The following SPINK5 variants were observed in gnomAD, a reference collection of about 807,000 sequenced individuals.
SPINK5 encodes serine protease inhibitor Kazal-type 5.
A neutral mutation model predicts 151.8 loss-of-function variants in SPINK5; 125 were observed. The observed-to-expected ratio is 0.82, with a 90% confidence interval of 0.71 to 0.96. The LOEUF (loss-of-function observed/expected upper bound fraction) is 0.96. Ranked by LOEUF, SPINK5 falls within the 40% of genes least tolerant of loss-of-function variation. The pLI is 0.00. For missense variants in SPINK5, 1,194 were observed against 1,291.9 expected, an observed-to-expected ratio of 0.92 and a Z score of 1.16; for synonymous variants, 374 against 395.3, an observed-to-expected ratio of 0.95 and a Z score of 0.64.
intron 32 of SPINK5, among the ~76,000 whole-genome samples, chr5:148,136,282 T>A (rs921279758): frequency 2.0e-5 from 3 of 152,164 alleles, no homozygotes; most frequent in Non-Finnish European, 4.4e-5. Flanking sequence ...TCTGTCAATT[T>A]CATGACAGAT....
At position 148,100,465 on chromosome 5, in the gene SPINK5, T is replaced by C; in HGVS notation, c.1104T>C (p.Ser368=). 2 of 1,611,950 alleles carry C rather than the reference T, an allele frequency of 1.2e-6. No homozygotes were observed. The highest frequency in any genetic ancestry group is 1.7e-6 in the Non-Finnish European group (2 of 1,178,330). The change falls in exon 13 of 33, where the codon AGT becomes AGC. Residue 368 remains serine, a synonymous_variant. Coordinates refer to ENST00000256084, the MANE Select transcript of SPINK5 (RefSeq NM_006846.4). ...GKATSYAELC[S]EYRKLVRNGK... is the part of the protein sequence containing the mutation. ...TTCTATCTCGGCAGGAGCTTTGCAG[T>C]GAATATCGAAAGCTTGTGAGGAACG...
chr5:148,136,000 A>G lies in SPINK5; in HGVS notation c.3187-983A>G, dbSNP rs552454948. On this transcript the variant is annotated intron_variant, in intron 32 of 32. Coordinates refer to ENST00000256084, the MANE Select transcript of SPINK5 (RefSeq NM_006846.4). Reference sequence around the variant, plus strand: ...TAGTCATTTGATTAGGGCAGGGATCACTGTCTTTCCCATTTTACAGAAAAT... The same window carrying G: ...TAGTCATTTGATTAGGGCAGGGATCGCTGTCTTTCCCATTTTACAGAAAAT... Among the ~76,000 whole-genome samples the G allele has an allele frequency of 2.6e-5, 4 of 152,256 alleles. No individual in the cohort carries two copies. In the East Asian group the frequency reaches 5.8e-4, roughly 22 times the overall value.
intron 22 of SPINK5, among the ~76,000 whole-genome samples, chr5:148,117,471 T>C (rs1453393662): frequency 3.3e-5 from 5 of 152,208 alleles, no homozygotes; most frequent in African/African-American, 1.2e-4. Context: ...TTGTGGGTCA[T>C]ATGATGTCTG....
At chr5:148,091,954 C>G (rs999452707) in intron 8 of SPINK5, among the ~76,000 whole-genome samples, 5 of 151,796 alleles carry the variant, frequency 3.3e-5, no homozygotes, top group Admixed American at 6.6e-5. Context: ...AGTTTCTTTG[C>G]TAAATGGCTA....
chr5:148,098,044 A>C, intron 11 of SPINK5, 50 bp downstream of exon 11: 1 of 1,568,240 alleles, frequency 6.4e-7, no homozygotes, highest in East Asian at 2.3e-5. Flanking sequence ...CTTGCAGGTA[A>C]TTTAATAGAA....
intron 26 of SPINK5, among the ~76,000 whole-genome samples, chr5:148,121,143 C>CAAAAAA (rs767012594): frequency 5.8e-5 from 4 of 68,660 alleles, no homozygotes; most frequent in Admixed American, 2.2e-4. Flanking sequence ...GACTCTGTCT[C>CAAAAAA]AAAAAAAAAA....
chr5:148,064,454 T>G (rs1278792906), intron 1 of SPINK5, among the ~76,000 whole-genome samples: 1 of 152,162 alleles, frequency 6.6e-6, no homozygotes, highest in Non-Finnish European at 1.5e-5. Flanking sequence ...AAAACTTAAT[T>G]GTAAATAATA....
rs749375299 is a variant in SPINK5 at position 148,112,891 on chromosome 5, A to G, written c.1844A>G (p.Glu615Gly). The G allele has an allele frequency of 1.9e-6, 3 of 1,613,934 alleles. No homozygotes were observed. Among genetic ancestry groups the G allele is most frequent in the Admixed American group, 3.3e-5 (2 of 59,970 alleles). Residue 615 changes from glutamate to glycine, a missense_variant, in exon 20 of 33, where the codon GAA becomes GGA. Glu to Gly is a moderately conservative substitution (Grantham distance 98). Transcript: ENST00000256084. ...AFFQQEAKEK[E>G]RAEPRAKVKR... ...AGCCAGCAAGAAGCAAAAGAAAAAG[A>G]AAGAGCTGAACCCAGAGCAAAAGTC...
At chr5:148,115,888 C>T (rs1427896891) in intron 21 of SPINK5, among the ~76,000 whole-genome samples, 2 of 148,798 alleles carry the variant, frequency 1.3e-5, no homozygotes, top group African/African-American at 5.0e-5. Context: ...GTGGTGTGAT[C>T]TCAGCTCACT....
At chr5:148,119,688 CCT>C (rs1373962318) in intron 24 of SPINK5, among the ~76,000 whole-genome samples, 3 of 152,194 alleles carry the variant, frequency 2.0e-5, no homozygotes, top group African/African-American at 2.4e-5. Context: ...CCTGCCGCTG[CCT>C]CTCTCTTTAA....
intron 9 of SPINK5, among the ~76,000 whole-genome samples, chr5:148,095,206 G>A (rs1010444995): frequency 2.6e-5 from 4 of 151,934 alleles, no homozygotes; most frequent in South Asian, 2.1e-4. Flanking sequence ...CACCATCACA[G>A]TTGGCAATTA....
At chr5:148,093,073 C>A (rs1413640643) in intron 8 of SPINK5, among the ~76,000 whole-genome samples, 1 of 151,808 alleles carries the variant, frequency 6.6e-6, no homozygotes, top group Non-Finnish European at 1.5e-5. Context: ...GCTCTTTATG[C>A]CCATGTTTTC....
chr5:148,130,835 G>A (rs1437788787), intron 30 of SPINK5, among the ~76,000 whole-genome samples: 1 of 152,110 alleles, frequency 6.6e-6, no homozygotes, highest in East Asian at 1.9e-4. Flanking sequence ...TAGTGGTAGA[G>A]CTAGGACTCA....
chr5:148,103,392 G>C (rs1212663388), intron 15 of SPINK5, among the ~76,000 whole-genome samples: 1 of 152,112 alleles, frequency 6.6e-6, no homozygotes, highest in Non-Finnish European at 1.5e-5. Context: ...TCTTGTTGTG[G>C]GGTATAATCA....
chr5:148,119,896 C>A lies in SPINK5; in HGVS notation c.2314-113C>A, dbSNP rs930485240. On this transcript the variant is annotated intron_variant, in intron 24 of 32. Coordinates refer to ENST00000256084, the MANE Select transcript of SPINK5 (RefSeq NM_006846.4). ...CTCTGTGGGACATTATTTTGCCTATCACAGCAAGGTTACATGGCTGCCTGA... is the reference window on the plus strand; with the variant it reads ...CTCTGTGGGACATTATTTTGCCTATAACAGCAAGGTTACATGGCTGCCTGA... 4 of 1,211,018 alleles carry A rather than the reference C, an allele frequency of 3.3e-6. No individual in the cohort carries two copies. The African/African-American group carries it at 4.5e-5, about 14-fold the overall frequency. 75.0% of individuals were successfully genotyped at this position (1,211,018 alleles called of 1,614,324 possible).
chr5:148,121,174 GAAA>G (rs1222909093), intron 26 of SPINK5, among the ~76,000 whole-genome samples: 3 of 126,372 alleles, frequency 2.4e-5, no homozygotes, highest in African/African-American at 8.5e-5. Flanking sequence ...AAAAGGAAAA[GAAA>G]AAGAAGAAAA....
chr5:148,075,947 A>G (rs989339768), intron 4 of SPINK5, among the ~76,000 whole-genome samples: 1 of 151,738 alleles, frequency 6.6e-6, no homozygotes, highest in Non-Finnish European at 1.5e-5. Context: ...GGTAAGGAAA[A>G]TGGTCTGAGG....
At position 148,077,637 on chromosome 5, in the gene SPINK5, G is replaced by GTATATATATATATATA. The variant is rs71001472; in HGVS notation, c.282+5425_282+5440dup. Among the ~76,000 whole-genome samples the GTATATATATATATATA allele has an allele frequency of 3.1e-3, 414 of 135,000 alleles. 5 individuals are homozygous for GTATATATATATATATA. The highest frequency in any genetic ancestry group is 9.7e-3 in the East Asian group (44 of 4,548). The allele number at this position is 135,000 out of a possible 152,430, so 88.6% of individuals were successfully genotyped here. ...AACAATTATAATGCTGTTTTATCAG[G>GTATATATATATATATA]TATATATATATATATATATATATGA... On this transcript the variant is annotated intron_variant, in intron 4 of 32. Coordinates refer to ENST00000256084, the MANE Select transcript of SPINK5 (RefSeq NM_006846.4).
intron 30 of SPINK5, among the ~76,000 whole-genome samples, chr5:148,130,248 T>C (rs539966576): frequency 6.6e-5 from 10 of 152,110 alleles, no homozygotes; most frequent in Non-Finnish European, 1.3e-4. Context: ...TTGTATTTTC[T>C]TTGTGATTCA....
Sources: gnomAD v4.1 joint callset for allele counts (sites outside exome capture counted in the v4.1 genomes callset) on GRCh38, gnomAD v4.1.1 for gene constraint, MANE v1.5 for transcripts, NCBI Gene and HGNC (gene_info 2026-07-23, HGNC 2026-07-21) for gene names.